The following LRMDA variants were observed in gnomAD, a reference collection of about 807,000 sequenced individuals.
LRMDA encodes leucine-rich melanocyte differentiation-associated protein.
Under a neutral mutation model 29.8 loss-of-function variants are expected in LRMDA, and 18 were observed. The observed-to-expected ratio is 0.60, with a 90% CI of 0.42 to 0.90. The LOEUF (loss-of-function observed/expected upper bound fraction) is 0.90. Ranked by LOEUF, LRMDA falls within the 40% of genes least tolerant of loss-of-function variation. The pLI, the probability that LRMDA is intolerant of heterozygous loss-of-function variation, is 0.00. For synonymous variants in LRMDA, 125 were observed against 109.4 expected (o/e 1.14, Z -0.89); for missense variants, 273 against 273.9 (o/e 1.00, Z 0.02).
At chr10:76,376,949 G>A (rs764793088) in intron 6 of LRMDA, among the ~76,000 whole-genome samples, 42 of 125,122 alleles carry the variant, frequency 3.4e-4, no homozygotes, top group African/African-American at 8.3e-4. Flanking sequence ...GCAATGGCGC[G>A]ATCTCCGCTC....
chr10:76,152,048 G>T (rs766427430), intron 5 of LRMDA, among the ~76,000 whole-genome samples: 1 of 152,054 alleles, frequency 6.6e-6, no homozygotes, highest in Non-Finnish European at 1.5e-5. Context: ...AAAATTCTTC[G>T]TTTTTAAGTA....
chr10:76,504,188 A>G (rs1455592774), intron 6 of LRMDA, among the ~76,000 whole-genome samples: 1 of 151,962 alleles, frequency 6.6e-6, no homozygotes, highest in African/African-American at 2.4e-5. Flanking sequence ...GTGTGGTCCA[A>G]GAGTGTGCAC....
chr10:75,776,930 A>T (rs1310454140), intron 2 of LRMDA, among the ~76,000 whole-genome samples: 1 of 152,202 alleles, frequency 6.6e-6, no homozygotes, highest in Admixed American at 6.5e-5. Flanking sequence ...AGCTGCAGAG[A>T]TGAAAGAATC....
intron 5 of LRMDA, among the ~76,000 whole-genome samples, chr10:76,237,871 A>C (rs1852184753): frequency 1.4e-5 from 2 of 142,730 alleles, no homozygotes; most frequent in Non-Finnish European, 3.0e-5. Flanking sequence ...GGCTCACTGC[A>C]ACCTCTGCCC....
intron 5 of LRMDA, among the ~76,000 whole-genome samples, chr10:76,062,144 T>G (rs1016592215): frequency 1.3e-5 from 2 of 152,190 alleles, no homozygotes; most frequent in African/African-American, 4.8e-5. Flanking sequence ...CTGAGCACAC[T>G]CAGGGAAGAC....
intron 6 of LRMDA, among the ~76,000 whole-genome samples, chr10:76,554,340 G>C (rs1843528957): frequency 6.6e-6 from 1 of 152,182 alleles, no homozygotes; most frequent in African/African-American, 2.4e-5. Context: ...TGTCTTTTCA[G>C]ATCAGGCTGT....
chr10:76,220,571 A>G (rs1037874423), intron 5 of LRMDA, among the ~76,000 whole-genome samples: 6 of 152,136 alleles, frequency 3.9e-5, no homozygotes, highest in African/African-American at 1.2e-4. Flanking sequence ...ACTAAACCAG[A>G]AAGAAGTTGA....
At chr10:76,037,870 C>T (rs577589992) in intron 3 of LRMDA, among the ~76,000 whole-genome samples, 2 of 152,244 alleles carry the variant, frequency 1.3e-5, no homozygotes, top group African/African-American at 4.8e-5. Flanking sequence ...TAAATATGCT[C>T]CTTGTGGTCA....
chr10:75,871,898 A>G (rs7082211), intron 2 of LRMDA, among the ~76,000 whole-genome samples: 44,992 of 152,056 alleles, frequency 0.3, 7,504 homozygotes, highest in African/African-American at 0.46. Context: ...CATTTGCTCA[A>G]TATCCAAGAT....
intron 2 of LRMDA, among the ~76,000 whole-genome samples, chr10:75,821,815 C>T (rs895340497): frequency 2.0e-5 from 3 of 151,930 alleles, no homozygotes; most frequent in Non-Finnish European, 4.4e-5. Flanking sequence ...CCTTACCAAA[C>T]TAGGTATAGA....
intron 5 of LRMDA, among the ~76,000 whole-genome samples, chr10:76,195,913 A>T (rs1851323866): frequency 6.6e-6 from 1 of 152,242 alleles, no homozygotes; most frequent in African/African-American, 2.4e-5. Context: ...TATTAAAGAC[A>T]CATGGAGACA....
intron 5 of LRMDA, among the ~76,000 whole-genome samples, chr10:76,322,776 G>A (rs577343076): frequency 6.6e-6 from 1 of 152,084 alleles, no homozygotes; most frequent in Non-Finnish European, 1.5e-5. Context: ...CAGAAATATT[G>A]ACAGCTATGG....
chr10:75,629,143 C>A (rs1841292639), intron 2 of LRMDA, among the ~76,000 whole-genome samples: 1 of 152,178 alleles, frequency 6.6e-6, no homozygotes, highest in Non-Finnish European at 1.5e-5. Context: ...CTGTGACTCC[C>A]CAGATACTGC....
At chr10:76,460,042 C>G (rs911154536) in intron 6 of LRMDA, among the ~76,000 whole-genome samples, 10 of 152,192 alleles carry the variant, frequency 6.6e-5, no homozygotes, top group African/African-American at 2.2e-4. Context: ...ATCCTATTTT[C>G]AAGATAGACC....
Position 75,999,701 on chromosome 10 carries a change from T to C in LRMDA, c.132-36307T>C, listed in dbSNP as rs369864365. On this transcript the variant is annotated intron_variant, in intron 2 of 6. Coordinates refer to ENST00000611255, the MANE Select transcript of LRMDA (RefSeq NM_001305581.2). ...GACCTAAAAAGTTCTGGATTTCCTG[T>C]TAATGCACTTTAGAAATGTACATCA... 9.2e-5 allele frequency among the ~76,000 whole-genome samples: 14 copies of C among 152,338 alleles called. No homozygotes were observed. In the South Asian group the frequency reaches 1.7e-3, roughly 18 times the overall value.
rs1027315374 is a variant in LRMDA at position 76,058,771 on chromosome 10, G to A, written c.504G>A (p.Val168=). 12 of 1,613,048 alleles carry A rather than the reference G, an allele frequency of 7.4e-6. No homozygotes were observed. The African/African-American group carries it at 1.5e-4, about 20-fold the overall frequency. Residue 168 remains valine (V), a synonymous_variant, in exon 5 of 7, where the codon GTG becomes GTA. Coordinates refer to ENST00000611255, the MANE Select transcript of LRMDA (RefSeq NM_001305581.2). ...TGGTCAGAGGAGTCTTCATGAAGGT[G>A]GTGAAGCCCAAGGTGAGCTGCCTAC... ...EALVRGVFMK[V]VKPKASSEDV...
intron 6 of LRMDA, among the ~76,000 whole-genome samples, chr10:76,367,859 A>G (rs1277582742): frequency 6.6e-6 from 1 of 152,038 alleles, no homozygotes; most frequent in Non-Finnish European, 1.5e-5. Context: ...GAATTTATCC[A>G]TCTCTTGTAG....
intron 6 of LRMDA, among the ~76,000 whole-genome samples, chr10:76,400,656 G>A (rs908344201): frequency 4.6e-5 from 7 of 152,086 alleles, no homozygotes; most frequent in African/African-American, 1.2e-4. Context: ...TGCTGACATC[G>A]TTACCATTTC....
At chr10:76,291,970 A>T (rs768594628) in intron 5 of LRMDA, among the ~76,000 whole-genome samples, 2 of 151,984 alleles carry the variant, frequency 1.3e-5, no homozygotes, top group Admixed American at 1.3e-4. Context: ...TTGTCCCTGG[A>T]TGAGCATACA....
Sources: allele counts gnomAD v4.1 joint callset (sites outside exome capture counted in the v4.1 genomes callset), GRCh38; gene constraint gnomAD v4.1.1; transcripts MANE v1.5; gene names NCBI Gene and HGNC (gene_info 2026-07-23, HGNC 2026-07-21).